TBCD: variants seen among roughly 807,000 people sequenced by gnomAD.
The protein encoded by TBCD is tubulin folding cofactor D, also known as tubulin-specific chaperone D.
TBCD carries 105 observed loss-of-function variants against 169.3 expected under a neutral mutation model. The ratio of observed to expected loss-of-function variants is 0.62; its 90% CI spans 0.53 to 0.73. The LOEUF (loss-of-function observed/expected upper bound fraction) is 0.73. TBCD is among the 30% of genes least tolerant of loss of function. The pLI, the probability that TBCD is intolerant of heterozygous loss-of-function variation, is 0.00. For missense variants in TBCD, 1,444 were observed against 1,600.1 expected (o/e 0.90, Z 1.66); for synonymous variants, 700 against 643.9 (o/e 1.09, Z -1.32).
chr17:82,830,207 T>A, intron 13 of TBCD: 1 of 1,614,276 alleles, frequency 6.2e-7, no homozygotes, highest in Non-Finnish European at 8.5e-7. Flanking sequence ...TTCGCCTTCT[T>A]AGCTCCTTGC....
intron 17 of TBCD, among the ~76,000 whole-genome samples, chr17:82,895,453 G>C (rs921716822): frequency 6.6e-6 from 1 of 152,228 alleles, no homozygotes. Flanking sequence ...CTGGCGGGGA[G>C]CTGCTGGGGG....
In TBCD at chr17:82,838,041, G is replaced by A. The variant is rs566228211; in HGVS notation, c.1318+23107G>A. On this transcript the variant is annotated intron_variant, in intron 13 of 38. Coordinates refer to ENST00000355528, the MANE Select transcript of TBCD (RefSeq NM_005993.5). ...TTTAAATGTTGTGTGCTCAGCCGATGCACTTGGCTTCTGGAAAGTGCGCTG... is the reference window on the plus strand; with the variant it reads ...TTTAAATGTTGTGTGCTCAGCCGATACACTTGGCTTCTGGAAAGTGCGCTG... Among the ~76,000 whole-genome samples the A allele has an allele frequency of 2.0e-5, 3 of 152,378 alleles. No individual in the cohort carries two copies. The East Asian group carries it at 5.8e-4, about 29-fold the overall frequency.
At chr17:82,802,553 CATG>C (rs1236462803) in intron 9 of TBCD, among the ~76,000 whole-genome samples, 1 of 152,176 alleles carries the variant, frequency 6.6e-6, no homozygotes, top group Non-Finnish European at 1.5e-5. Flanking sequence ...CAGGAGAGCT[CATG>C]GTGGTTCTTG....
intron 13 of TBCD, among the ~76,000 whole-genome samples, chr17:82,825,684 T>G (rs2145135438): frequency 6.6e-6 from 1 of 152,362 alleles, no homozygotes; most frequent in South Asian, 2.1e-4. Flanking sequence ...TTTATAGAAC[T>G]CTAACCAGTT....
chr17:82,776,218 CAAAA>C (rs944221271), intron 6 of TBCD, among the ~76,000 whole-genome samples: 2 of 147,116 alleles, frequency 1.4e-5, no homozygotes, highest in Non-Finnish European at 3.0e-5. Context: ...GACTCCATCT[CAAAA>C]AAAAAAGAGG....
At chr17:82,926,529 C>G (rs750738584) in intron 28 of TBCD, 38 bp downstream of exon 28, 1 of 1,575,686 alleles carries the variant, frequency 6.3e-7, no homozygotes, top group Admixed American at 1.7e-5. Flanking sequence ...TCGTAAGTCT[C>G]TGAAAGGCCA....
At position 82,872,810 on chromosome 17, in the gene TBCD, C is replaced by T. The variant is rs181377154; in HGVS notation, c.1475+2430C>T. 7.9e-3 allele frequency among the ~76,000 whole-genome samples: 1,206 copies of T among 152,408 alleles called. 14 individuals carry two copies. Among genetic ancestry groups the T allele is most frequent in the Non-Finnish European group, 0.011 (741 of 68,042 alleles). ...GACAGCACTGAAGACACCTGTCCAGCACCTTGTGCTGACGGCTTCCCAGCC... is the reference window on the plus strand; with the variant it reads ...GACAGCACTGAAGACACCTGTCCAGTACCTTGTGCTGACGGCTTCCCAGCC... On this transcript the variant is annotated intron_variant, in intron 14 of 38. Coordinates refer to ENST00000355528, the MANE Select transcript of TBCD (RefSeq NM_005993.5).
rs755890874 is a variant in TBCD at position 82,831,035 on chromosome 17, C to T, written c.1318+16101C>T. The T allele has an allele frequency of 2.5e-5, 41 of 1,614,056 alleles. No homozygotes were observed. The highest frequency in any genetic ancestry group is 3.0e-5 in the Non-Finnish European group (35 of 1,180,054). On this transcript the variant is annotated intron_variant, in intron 13 of 38. Coordinates refer to ENST00000355528, the MANE Select transcript of TBCD (RefSeq NM_005993.5). This position sits in a 1 kb window ranked among gnomAD's most constrained non-coding sequence, Gnocchi z 4.6. ...TTTTCTTACCTTACTGGAGACTCTGCTGTGGTCTCAGCAGCCTGGGCAGGT... is the reference window on the plus strand; with the variant it reads ...TTTTCTTACCTTACTGGAGACTCTGTTGTGGTCTCAGCAGCCTGGGCAGGT...
rs1461116145 is a variant in TBCD at position 82,945,439 on chromosome 17, G to C, written c.*2976G>C. The C allele has an allele frequency of 6.6e-6, 1 of 152,226 alleles. No individual in the cohort carries two copies. Among genetic ancestry groups the C allele is most frequent in the East Asian group, 1.9e-4 (1 of 5,198 alleles). 9.4% of individuals were successfully genotyped at this position (152,226 alleles called of 1,614,324 possible). A position where few individuals can be genotyped will look rare whatever the true frequency, so the allele number is the denominator to read the frequency against. ...AAACTGCAGAACTGTAAGAAGGACA[G>C]AGTGATATAAACGACTACCAATTTC... On this transcript the variant is annotated 3_prime_UTR_variant, in exon 39 of 39. Transcript: ENST00000355528.
At chr17:82,929,543 G>GA in intron 32 of TBCD, 43 bp downstream of exon 32, 3 of 1,598,582 alleles carry the variant, frequency 1.9e-6, no homozygotes, top group Non-Finnish European at 2.5e-6. Flanking sequence ...GTGGCTCCAG[G>GA]AGTGCCTGGT....
intron 7 of TBCD, among the ~76,000 whole-genome samples, chr17:82,792,963 A>G (rs1598522744): frequency 6.6e-6 from 1 of 151,954 alleles, no homozygotes; most frequent in Non-Finnish European, 1.5e-5. Flanking sequence ...AGGTCTTGCC[A>G]TGTTGTCCGG....
At chr17:82,840,953 G>GTT (rs755302623) in intron 13 of TBCD, among the ~76,000 whole-genome samples, 5,224 of 70,526 alleles carry the variant, frequency 0.074, 1,824 homozygotes, top group East Asian at 0.1. Context: ...CAGACAAACT[G>GTT]GTTTTTTTTT....
At position 82,888,892 on chromosome 17, in the gene TBCD, C is replaced by G. The variant is rs533732575; in HGVS notation, c.1534-776C>G. Among the ~76,000 whole-genome samples, 54 of 152,348 alleles carry G rather than the reference C, an allele frequency of 3.5e-4. No homozygotes were observed. In the South Asian group the frequency reaches 0.01, roughly 29 times the overall value. ...GCCGCCAGCCTCCCTGGCCTCGCCC[C>G]TTGCTGGTGGTGTGTGTGGTGTGGC... On this transcript the variant is annotated intron_variant, in intron 15 of 38. Coordinates refer to ENST00000355528, the MANE Select transcript of TBCD (RefSeq NM_005993.5).
At chr17:82,834,926 C>T (rs11654361) in intron 13 of TBCD, among the ~76,000 whole-genome samples, 64,052 of 151,684 alleles carry the variant, frequency 0.42, 13,761 homozygotes, top group East Asian at 0.54. Context: ...GGCTGGGGGC[C>T]GTGGCTCATG....
chr17:82,757,880 G>C (rs2047486482), intron 2 of TBCD, among the ~76,000 whole-genome samples: 2 of 152,088 alleles, frequency 1.3e-5, no homozygotes, highest in South Asian at 4.1e-4. Flanking sequence ...GAGTTCCTGT[G>C]TGTGAGCGCT....
chr17:82,795,964 G>A (rs777174484), intron 7 of TBCD: 7 of 152,326 alleles, frequency 4.6e-5, no homozygotes, highest in African/African-American at 9.6e-5. Context: ...TGCCTCTGTT[G>A]GTTGTGGCAG....
Position 82,832,564 on chromosome 17 carries a change from G to T in TBCD, c.1318+17630G>T. ...CACCTCCCGCTTTGCTTTCTTTCCC[G>T]ATCACTTCTATCAGAAGCCAGCTCT... On this transcript the variant is annotated intron_variant, in intron 13 of 38. Transcript: ENST00000355528. The surrounding 1 kb of genome is among the most constrained non-coding windows in gnomAD (Gnocchi z 4.9). 3.1e-6 allele frequency: 3 copies of T among 983,152 alleles called. No individual in the cohort carries two copies. Among genetic ancestry groups the T allele is most frequent in the Non-Finnish European group, 4.7e-6 (3 of 636,974 alleles). The allele number at this position is 983,152 out of a possible 1,614,324, so 60.9% of individuals were successfully genotyped here.
chr17:82,921,565 C>G lies in TBCD; in HGVS notation c.2166C>G (p.Arg722=). The G allele has an allele frequency of 6.2e-7, 1 of 1,614,026 alleles. No individual in the cohort carries two copies. The highest frequency in any genetic ancestry group is 1.7e-5 in the Admixed American group (1 of 60,026). ...TCCATCTCATCTCAAGTCACTCCCG[C>G]CAGCAGATGAAGGTACAGTGAGCAT... ...RHLHLISSHS[R]QQMKDAAVSA... Residue 722 remains arginine (R), a synonymous_variant, in exon 25 of 39, where the codon CGC becomes CGG. Coordinates refer to ENST00000355528, the MANE Select transcript of TBCD (RefSeq NM_005993.5).
At chr17:82,892,173 G>A (rs141429864) in intron 16 of TBCD, among the ~76,000 whole-genome samples, 59 of 152,222 alleles carry the variant, frequency 3.9e-4, no homozygotes, top group African/African-American at 1.4e-3. Flanking sequence ...TCACCGTGGG[G>A]GGATGCTGGA....
Sources: gnomAD v4.1 joint callset for allele counts (sites outside exome capture counted in the v4.1 genomes callset) on GRCh38, gnomAD v4.1.1 for gene constraint, Gnocchi (gnomAD v3.1) non-coding constraint, MANE v1.5 for transcripts, NCBI Gene and HGNC (gene_info 2026-07-23, HGNC 2026-07-21) for gene names.